SNTB2: variants seen among roughly 807,000 people sequenced by gnomAD.
The protein encoded by SNTB2 is syntrophin beta 2.
A neutral mutation model predicts 46.2 loss-of-function variants in SNTB2; 34 were observed. The ratio of observed to expected loss-of-function variants is 0.74; its 90% confidence interval spans 0.56 to 0.98. The LOEUF is 0.98. Among genes scored for constraint, SNTB2 ranks in the 50% least tolerant of loss-of-function variants. The pLI is 0.00. For synonymous variants in SNTB2, 290 were observed against 312.6 expected, an observed-to-expected ratio of 0.93 and a Z score of 0.76; for missense variants, 603 against 731.4, an observed-to-expected ratio of 0.82 and a Z score of 2.02.
intron 1 of SNTB2, among the ~76,000 whole-genome samples, chr16:69,228,303 C>T (rs934928481): frequency 3.3e-5 from 5 of 151,714 alleles, no homozygotes; most frequent in Admixed American, 2.0e-4. Flanking sequence ...GTCAGGAGTT[C>T]GAGACTAGCC....
Position 69,187,394 on chromosome 16 carries a change from C to A in SNTB2, c.228C>A (p.Gly76=). ...CCGCCTTCAACGGCCTCCCAAACGG[C>A]GGCGGCGCGGGCGACTCGCTGCCCG... ...AAAAFNGLPN[G]GGAGDSLPGS... The change falls in exon 1 of 7, where the codon GGC becomes GGA. Residue 76 remains glycine (G), a synonymous_variant. Transcript: ENST00000336278. 1 of 1,283,166 alleles carries A rather than the reference C, an allele frequency of 7.8e-7. No individual in the cohort carries two copies. The highest frequency in any genetic ancestry group is 2.4e-5 in the South Asian group (1 of 41,288). 79.5% of individuals were successfully genotyped at this position (1,283,166 alleles called of 1,614,324 possible). A position where few individuals can be genotyped will look rare whatever the true frequency, so the allele number is the denominator to read the frequency against.
At chr16:69,194,388 G>A (rs985974910) in intron 1 of SNTB2, among the ~76,000 whole-genome samples, 3 of 151,964 alleles carry the variant, frequency 2.0e-5, no homozygotes, top group African/African-American at 7.3e-5. Context: ...ACTGTATTTT[G>A]TAGCTGTAAC....
intron 1 of SNTB2, 70 bp from the exon 2 acceptor site, chr16:69,245,532 A>C: frequency 1.4e-6 from 2 of 1,417,174 alleles, no homozygotes; most frequent in East Asian, 4.6e-5. Context: ...CATGTATGTG[A>C]ATACTTTAGT....
chr16:69,206,263 G>A (rs1964217647), intron 1 of SNTB2, among the ~76,000 whole-genome samples: 2 of 152,064 alleles, frequency 1.3e-5, no homozygotes, highest in Non-Finnish European at 2.9e-5. Flanking sequence ...GCCTCCCAAG[G>A]AGCTGGAATT....
intron 2 of SNTB2, among the ~76,000 whole-genome samples, chr16:69,250,301 A>G (rs1014921888): frequency 6.6e-6 from 1 of 152,216 alleles, no homozygotes; most frequent in African/African-American, 2.4e-5. Context: ...CTTGGCAGAA[A>G]AAATGTACAG....
chr16:69,239,618 A>G (rs893966790), intron 1 of SNTB2, among the ~76,000 whole-genome samples: 1 of 152,042 alleles, frequency 6.6e-6, no homozygotes, highest in African/African-American at 2.4e-5. Context: ...GCGCAATCTC[A>G]GCTCACTGCA....
rs186344600 is a variant in SNTB2 at position 69,298,012 on chromosome 16, C to A, written c.1346-1578C>A. ...AGAGTGCAGTGGCATGATCATAGCT[C>A]ACTGCAGCCTTGAACTCCTGGACGC... On this transcript the variant is annotated intron_variant, in intron 5 of 6. Coordinates refer to ENST00000336278, the MANE Select transcript of SNTB2 (RefSeq NM_006750.4). Among the ~76,000 whole-genome samples, 90 of 152,290 alleles carry A rather than the reference C, an allele frequency of 5.9e-4. No homozygotes were observed. In the East Asian group the frequency reaches 0.016, roughly 27 times the overall value.
intron 1 of SNTB2, among the ~76,000 whole-genome samples, chr16:69,225,101 C>T (rs1363639744): frequency 2.0e-5 from 3 of 152,160 alleles, no homozygotes; most frequent in Non-Finnish European, 4.4e-5. Context: ...GTCTGAAAAG[C>T]TCTAATAACA....
At chr16:69,274,900 C>G (rs1363403828) in intron 4 of SNTB2, among the ~76,000 whole-genome samples, 2 of 152,174 alleles carry the variant, frequency 1.3e-5, no homozygotes, top group Non-Finnish European at 2.9e-5. Flanking sequence ...CATGCTCATA[C>G]ATGCAAATTA....
intron 3 of SNTB2, among the ~76,000 whole-genome samples, chr16:69,269,815 G>T (rs754220065): frequency 2.0e-5 from 3 of 152,004 alleles, no homozygotes; most frequent in Non-Finnish European, 2.9e-5. Context: ...TGTGGCTCAC[G>T]CCTGTAATCC....
At chr16:69,220,835 T>C (rs541020522) in intron 1 of SNTB2, among the ~76,000 whole-genome samples, 27 of 152,258 alleles carry the variant, frequency 1.8e-4, no homozygotes, top group Admixed American at 1.6e-3. Flanking sequence ...CCTGGCCCAG[T>C]TCTATGTGTT....
intron 2 of SNTB2, among the ~76,000 whole-genome samples, chr16:69,246,190 T>A (rs1428944252): frequency 3.3e-5 from 5 of 152,250 alleles, no homozygotes; most frequent in Admixed American, 3.3e-4. Context: ...TGATATTGGC[T>A]GTGGGTTTGT....
At chr16:69,253,419 G>A (rs1248648298) in intron 2 of SNTB2, among the ~76,000 whole-genome samples, 1 of 151,784 alleles carries the variant, frequency 6.6e-6, no homozygotes, top group African/African-American at 2.4e-5. Context: ...GGAGACCGAG[G>A]CGGGTGGATC....
chr16:69,221,773 C>T (rs1490331218), intron 1 of SNTB2, among the ~76,000 whole-genome samples: 1 of 152,072 alleles, frequency 6.6e-6, no homozygotes, highest in Non-Finnish European at 1.5e-5. Context: ...AAGACTCTCT[C>T]TCAAAAAAAG....
intron 1 of SNTB2, among the ~76,000 whole-genome samples, chr16:69,235,133 TC>T (rs1458871957): frequency 6.6e-6 from 1 of 151,890 alleles, no homozygotes; most frequent in Non-Finnish European, 1.5e-5. Flanking sequence ...TGCCTCAGCC[TC>T]CTGAGTAGCT....
intron 4 of SNTB2, among the ~76,000 whole-genome samples, chr16:69,275,265 G>C (rs1227143202): frequency 6.6e-6 from 1 of 151,900 alleles, no homozygotes; most frequent in African/African-American, 2.4e-5. Context: ...AGGTCTTGCT[G>C]TGTTGCCCAG....
chr16:69,283,873 T>G (rs1463491871), intron 4 of SNTB2, among the ~76,000 whole-genome samples, 175 bp from the exon 5 acceptor site: 1 of 152,106 alleles, frequency 6.6e-6, no homozygotes, highest in African/African-American at 2.4e-5. Flanking sequence ...CAGGGGTCAT[T>G]TTATGGGAAA....
intron 3 of SNTB2, among the ~76,000 whole-genome samples, chr16:69,266,223 G>C (rs1597192680): frequency 6.6e-6 from 1 of 152,082 alleles, no homozygotes; most frequent in Non-Finnish European, 1.5e-5. Context: ...AATTAGCCGG[G>C]CATGGTGGCG....
rs564862811 is a variant in SNTB2 at position 69,293,523 on chromosome 16, G to A, written c.1346-6067G>A. 3.3e-5 allele frequency among the ~76,000 whole-genome samples: 5 copies of A among 152,316 alleles called. No individual in the cohort carries two copies. In the East Asian group the frequency reaches 9.6e-4, roughly 29 times the overall value. On this transcript the variant is annotated intron_variant, in intron 5 of 6. Coordinates refer to ENST00000336278, the MANE Select transcript of SNTB2 (RefSeq NM_006750.4). Reference sequence around the variant, plus strand: ...GATGTAATGGCAATGGCAGATTGCAGAGGTCTGAGGAGTGGACGTGAGGTG... The same window carrying A: ...GATGTAATGGCAATGGCAGATTGCAAAGGTCTGAGGAGTGGACGTGAGGTG...
Sources: gnomAD v4.1 joint callset for allele counts (sites outside exome capture counted in the v4.1 genomes callset) on GRCh38, gnomAD v4.1.1 for gene constraint, MANE v1.5 for transcripts, NCBI Gene and HGNC (gene_info 2026-07-23, HGNC 2026-07-21) for gene names.